The following CCDC91 variants were observed in gnomAD, a reference collection of about 807,000 sequenced individuals.
The protein encoded by CCDC91 is coiled-coil domain containing 91, also known as coiled-coil domain-containing protein 91.
In CCDC91, 48 loss-of-function variants were observed where a neutral mutation model predicts 63.2. That is an observed-to-expected ratio of 0.76 (90% CI 0.60 to 0.97). The LOEUF is 0.97. Among genes scored for constraint, CCDC91 ranks in the 50% least tolerant of loss-of-function variants. CCDC91 has a pLI of 0.00. For missense variants in CCDC91, 500 were observed against 494.6 expected (o/e 1.01, Z -0.10); for synonymous variants, 167 against 165.8 (o/e 1.01, Z -0.06).
intron 11 of CCDC91, among the ~76,000 whole-genome samples, chr12:28,466,886 C>A (rs1189796580): frequency 1.3e-5 from 2 of 151,966 alleles, no homozygotes; most frequent in Non-Finnish European, 2.9e-5. Flanking sequence ...ATGAACCAAT[C>A]AAAAATAATG....
chr12:28,311,918 C>G (rs879852610), intron 6 of CCDC91, among the ~76,000 whole-genome samples: 1 of 151,970 alleles, frequency 6.6e-6, no homozygotes, highest in African/African-American at 2.4e-5. Flanking sequence ...AGAAAACTCA[C>G]AGAACTCACT....
intron 12 of CCDC91, among the ~76,000 whole-genome samples, chr12:28,487,502 G>GT (rs1485380114): frequency 6.6e-6 from 1 of 151,740 alleles, no homozygotes; most frequent in Non-Finnish European, 1.5e-5. Context: ...AAAAACAAAA[G>GT]TTTTTTAGCA....
At chr12:28,539,252 A>T (rs1942442435) in intron 12 of CCDC91, among the ~76,000 whole-genome samples, 1 of 152,188 alleles carries the variant, frequency 6.6e-6, no homozygotes, top group African/African-American at 2.4e-5. Flanking sequence ...CTAACGTTTA[A>T]GTCTTTAATC....
chr12:28,195,885 G>A (rs1435425737), intron 1 of CCDC91, among the ~76,000 whole-genome samples: 1 of 152,112 alleles, frequency 6.6e-6, no homozygotes, highest in South Asian at 2.1e-4. Context: ...TGGGAGGATC[G>A]CTTGAGCCCA....
In CCDC91 at chr12:28,284,054, A is replaced by G. The variant is rs1417739500; in HGVS notation, c.110-21595A>G. ...TAGCATATTTAACAGGAATTTCTAA[A>G]GTGTTTCTTATATAAGGATAGCACT... is the stretch of plus-strand genomic sequence containing the variant. On this transcript the variant is annotated intron_variant, in intron 3 of 12. Transcript: ENST00000536442. 3.9e-5 allele frequency among the ~76,000 whole-genome samples: 6 copies of G among 152,096 alleles called. 1 individual carries two copies. The East Asian group carries it at 1.2e-3, about 29-fold the overall frequency.
At chr12:28,215,658 GA>G (rs1269741293) in intron 1 of CCDC91, among the ~76,000 whole-genome samples, 4 of 151,974 alleles carry the variant, frequency 2.6e-5, no homozygotes, top group African/African-American at 7.2e-5. Context: ...AAAGGAAGAT[GA>G]AAAAAAGTGA....
rs185602896 is a variant in CCDC91, at chr12:28,516,959, T to A, written c.1216-32104T>A. 1.2e-3 allele frequency among the ~76,000 whole-genome samples: 190 copies of A among 152,044 alleles called. 3 individuals carry two copies. Among genetic ancestry groups the A allele is most frequent in the Non-Finnish European group, 2.4e-3 (162 of 67,908 alleles). On this transcript the variant is annotated intron_variant, in intron 12 of 12. Coordinates refer to ENST00000536442, the MANE Select transcript of CCDC91 (RefSeq NM_018318.5). ...TCAAACCACAGCAGATGCCCACTAG[T>A]CAGTCATGCAAACTAGCCAGAAATA...
In CCDC91 at chr12:28,364,382, C is replaced by T. The variant is rs184912669; in HGVS notation, c.654+1867C>T. Among the ~76,000 whole-genome samples the T allele has an allele frequency of 2.2e-3, 332 of 151,356 alleles. 3 individuals carry two copies. Among genetic ancestry groups the T allele is most frequent in the African/African-American group, 7.6e-3 (312 of 41,178 alleles). On this transcript the variant is annotated intron_variant, in intron 7 of 12. Transcript: ENST00000536442. ...CTGCCTAGGTGACAGAGCGAGACTC[C>T]GTCTCAAAAAAAAACAAAAACAAAA...
At chr12:28,264,589 G>GTGTGTGTGTA (rs1947061863) in intron 3 of CCDC91, among the ~76,000 whole-genome samples, 1 of 100,592 alleles carries the variant, frequency 9.9e-6, no homozygotes, top group Admixed American at 9.3e-5. Flanking sequence ...GTCTGTCTGT[G>GTGTGTGTGTA]TGTGTGTGTG....
intron 8 of CCDC91, among the ~76,000 whole-genome samples, chr12:28,402,022 T>C (rs1202737565): frequency 6.6e-6 from 1 of 152,168 alleles, no homozygotes; most frequent in Admixed American, 6.5e-5. Flanking sequence ...CTTACAACTA[T>C]ATGAAATGCA....
chr12:28,277,972 T>G (rs1238348350), intron 3 of CCDC91, among the ~76,000 whole-genome samples: 1 of 151,984 alleles, frequency 6.6e-6, no homozygotes, highest in Non-Finnish European at 1.5e-5. Context: ...CCGGCACATA[T>G]TTGCAATTTG....
intron 1 of CCDC91, among the ~76,000 whole-genome samples, chr12:28,220,435 T>G (rs187194506): frequency 3.9e-4 from 59 of 152,222 alleles, no homozygotes; most frequent in Non-Finnish European, 5.9e-4. Flanking sequence ...CTTCTACATA[T>G]TCTATAAAGC....
chr12:28,343,477 T>G (rs1481772531), intron 6 of CCDC91, among the ~76,000 whole-genome samples: 1 of 152,040 alleles, frequency 6.6e-6, no homozygotes, highest in Non-Finnish European at 1.5e-5. Context: ...TCACCTCACC[T>G]TTTATGTGTA....
intron 1 of CCDC91, among the ~76,000 whole-genome samples, chr12:28,193,050 A>ATGTTGATGCATGTT (rs1555147373): frequency 6.6e-6 from 1 of 152,170 alleles, no homozygotes; most frequent in East Asian, 1.9e-4. Context: ...TGATTCATCC[A>ATGTTGATGCATGTT]TGTTGATGCA....
Position 28,201,164 on chromosome 12 carries a change from T to G in CCDC91, c.-15+10523T>G, listed in dbSNP as rs7300351. 1.4e-4 allele frequency among the ~76,000 whole-genome samples: 21 copies of G among 148,632 alleles called. No homozygotes were observed. In the East Asian group the frequency reaches 3.1e-3, roughly 22 times the overall value. The stretch of plus-strand genomic sequence containing the variant: ...CCTCCCTCCCGGACGAGGTGGCTGC[T>G]GGGCGGAGACGCTCCTCACTTCCCA... On this transcript the variant is annotated intron_variant, in intron 1 of 12. Transcript: ENST00000536442.
intron 8 of CCDC91, among the ~76,000 whole-genome samples, chr12:28,426,151 A>G (rs1242564488): frequency 6.6e-6 from 1 of 152,110 alleles, no homozygotes; most frequent in African/African-American, 2.4e-5. Flanking sequence ...TTTTGCTTAC[A>G]TGGTTTCTAA....
At chr12:28,462,500 T>C (rs971811834) in intron 11 of CCDC91, among the ~76,000 whole-genome samples, 1 of 151,942 alleles carries the variant, frequency 6.6e-6, no homozygotes, top group African/African-American at 2.4e-5. Flanking sequence ...ACTAAGACAG[T>C]TGTAAGAAGC....
chr12:28,396,694 GTGTT>G (rs879907289), intron 8 of CCDC91, among the ~76,000 whole-genome samples: 2 of 151,630 alleles, frequency 1.3e-5, no homozygotes, highest in Non-Finnish European at 2.9e-5. Context: ...ATGTGTGTGT[GTGTT>G]TGTGACACAA....
At chr12:28,534,368 T>C (rs2141672567) in intron 12 of CCDC91, among the ~76,000 whole-genome samples, 1 of 152,324 alleles carries the variant, frequency 6.6e-6, no homozygotes, top group South Asian at 2.1e-4. Context: ...TATATACCAA[T>C]GGCCATGACA....
Sources: gnomAD v4.1 joint callset for allele counts (sites outside exome capture counted in the v4.1 genomes callset) on GRCh38, gnomAD v4.1.1 for gene constraint, MANE v1.5 for transcripts, NCBI Gene and HGNC (gene_info 2026-07-23, HGNC 2026-07-21) for gene names.